Variants in ROBO2 observed in about 807,000 individuals in gnomAD.
The protein encoded by ROBO2 is roundabout homolog 2.
A neutral mutation model predicts 160.8 loss-of-function variants in ROBO2; 53 were observed. The observed-to-expected ratio is 0.33, with a 90% CI of 0.26 to 0.41. The LOEUF is 0.41. Ranked by LOEUF, ROBO2 falls within the 10% of genes least tolerant of loss-of-function variation. ROBO2 has a pLI of 1.00. For synonymous variants in ROBO2, 664 were observed against 611.7 expected, an observed-to-expected ratio of 1.09 and a Z score of -1.26; for missense variants, 1,577 against 1,722.4, an observed-to-expected ratio of 0.92 and a Z score of 1.49.
At chr3:76,622,199 G>GAAGA in intron 2 of ROBO2, among the ~76,000 whole-genome samples, 1 of 31,668 alleles carries the variant, frequency 3.2e-5, no homozygotes, top group African/African-American at 1.2e-4. Flanking sequence ...AGAAAGGAAG[G>GAAGA]AAGGAAGGAA....
chr3:76,373,650 A>G (rs2076208924), intron 2 of ROBO2, among the ~76,000 whole-genome samples: 1 of 152,008 alleles, frequency 6.6e-6, no homozygotes, highest in South Asian at 2.1e-4. Context: ...TGGCTTACAT[A>G]CCATAAATAA....
chr3:76,529,090 A>G (rs1398382850), intron 2 of ROBO2, among the ~76,000 whole-genome samples: 2 of 152,140 alleles, frequency 1.3e-5, no homozygotes, highest in South Asian at 2.1e-4. Flanking sequence ...GAAAGACAAA[A>G]CTGTTGACAG....
At chr3:77,039,403 G>A (rs767179904), upstream of ROBO2, among the ~76,000 whole-genome samples, 25 of 152,162 alleles carry the variant, frequency 1.6e-4, no homozygotes, top group Non-Finnish European at 2.8e-4. Context: ...AAGAAAGCGC[G>A]TGCAGCTCCG....
intron 2 of ROBO2, among the ~76,000 whole-genome samples, chr3:76,328,908 T>TTATATATATATATATATATATATATA (rs201466987): frequency 2.9e-5 from 4 of 136,024 alleles, no homozygotes; most frequent in African/African-American, 1.1e-4. Flanking sequence ...ATTTATGTTA[T>TTATATATATATATATATATATATATA]TATATATATA....
rs139824780 is a variant in ROBO2 at position 76,632,951 on chromosome 3, C to G, written c.110-465063C>G. On this transcript the variant is annotated intron_variant, in intron 2 of 26. Coordinates refer to the ROBO2 transcript ENST00000487694. ...GATTGTGGAAAATACATTTTTTATT[C>G]TGCTTGCTGAAAGGACAAAGAAAAA... 7.9e-5 allele frequency among the ~76,000 whole-genome samples: 12 copies of G among 152,142 alleles called. No homozygotes were observed. The Middle Eastern group carries it at 0.014, about 172-fold the overall frequency.
At chr3:76,270,911 A>C (rs1707393472) in intron 2 of ROBO2, among the ~76,000 whole-genome samples, 1 of 152,110 alleles carries the variant, frequency 6.6e-6, no homozygotes, top group South Asian at 2.1e-4. Flanking sequence ...TTTCATAAAG[A>C]GTGAACTGGA....
intron 2 of ROBO2, among the ~76,000 whole-genome samples, chr3:76,093,405 G>A (rs150889792): frequency 0.011 from 1,666 of 149,670 alleles, 12 homozygotes; most frequent in Non-Finnish European, 0.018. Flanking sequence ...TGTCAAAAAT[G>A]CATACGGCAA....
At chr3:77,289,396 T>C (rs1489639143) in intron 2 of ROBO2, among the ~76,000 whole-genome samples, 7 of 150,688 alleles carry the variant, frequency 4.6e-5, no homozygotes, top group Non-Finnish European at 1.0e-4. Context: ...TAAAGTAAAA[T>C]TGACGTTTAA....
chr3:76,864,496 T>C (rs2071145726), intron 2 of ROBO2, among the ~76,000 whole-genome samples: 1 of 151,974 alleles, frequency 6.6e-6, no homozygotes, highest in Admixed American at 6.6e-5. Flanking sequence ...TCTCATCCAT[T>C]ATGTCTCTAG....
At chr3:75,936,111 A>T (rs1947769026) in intron 1 of ROBO2, among the ~76,000 whole-genome samples, 1 of 152,216 alleles carries the variant, frequency 6.6e-6, no homozygotes, top group African/African-American at 2.4e-5. Context: ...CTGTTTTTAC[A>T]TATGAACTTA....
intron 2 of ROBO2, among the ~76,000 whole-genome samples, chr3:76,192,655 C>A (rs1702071159): frequency 6.6e-6 from 1 of 151,782 alleles, no homozygotes; most frequent in Non-Finnish European, 1.5e-5. Context: ...CTAGGGCTAA[C>A]TTCTCTATGT....
intron 2 of ROBO2, among the ~76,000 whole-genome samples, chr3:76,503,783 G>A (rs1468751596): frequency 1.3e-5 from 2 of 152,198 alleles, no homozygotes; most frequent in Non-Finnish European, 2.9e-5. Context: ...ACGGTGATTA[G>A]TGGATGGTGG....
chr3:77,384,891 A>G (rs142460183), intron 2 of ROBO2, among the ~76,000 whole-genome samples: 56 of 152,342 alleles, frequency 3.7e-4, no homozygotes, highest in African/African-American at 1.3e-3. Flanking sequence ...AAAAATTTCC[A>G]TGATTTCAAA....
intron 2 of ROBO2, among the ~76,000 whole-genome samples, chr3:77,101,454 T>G (rs1384565558): frequency 6.6e-6 from 1 of 152,156 alleles, no homozygotes; most frequent in East Asian, 1.9e-4. Flanking sequence ...AAGCTTAAAA[T>G]ATCTCAAGTT....
chr3:76,854,330 A>G (rs934256398), intron 2 of ROBO2, among the ~76,000 whole-genome samples: 3 of 152,178 alleles, frequency 2.0e-5, no homozygotes, highest in African/African-American at 7.2e-5. Flanking sequence ...AATACATTGC[A>G]TACACATTTC....
At chr3:77,006,343 T>C (rs1432587309) in intron 2 of ROBO2, among the ~76,000 whole-genome samples, 2 of 99,530 alleles carry the variant, frequency 2.0e-5, no homozygotes, top group Admixed American at 9.6e-5. Flanking sequence ...GTGTGTGTGT[T>C]CAAGAAAGCT....
chr3:76,965,921 C>CTTTT (rs1168083048), intron 2 of ROBO2, among the ~76,000 whole-genome samples: 2 of 114,116 alleles, frequency 1.8e-5, no homozygotes, highest in Non-Finnish European at 3.5e-5. Flanking sequence ...GGCATATTTT[C>CTTTT]TTTTTTTTTT....
intron 2 of ROBO2, among the ~76,000 whole-genome samples, chr3:76,919,840 G>A (rs546930016): frequency 2.5e-4 from 38 of 152,198 alleles, no homozygotes; most frequent in African/African-American, 8.7e-4. Context: ...TTTTATTGTA[G>A]TATCATGTGT....
intron 2 of ROBO2, among the ~76,000 whole-genome samples, chr3:77,348,316 C>T (rs2067903960): frequency 6.6e-6 from 1 of 152,122 alleles, no homozygotes; most frequent in African/African-American, 2.4e-5. Context: ...TATTCATCCT[C>T]CCCTTTTTAG....
Sources: gnomAD v4.1 joint callset for allele counts (sites outside exome capture counted in the v4.1 genomes callset) on GRCh38, gnomAD v4.1.1 for gene constraint, MANE v1.5 for transcripts, NCBI Gene and HGNC (gene_info 2026-07-23, HGNC 2026-07-21) for gene names.